Variants in SEC61A2 observed in about 807,000 individuals in gnomAD.
The protein encoded by SEC61A2 is SEC61 translocon subunit alpha 2.
SEC61A2 carries 28 observed loss-of-function variants against 59.9 expected under a neutral mutation model. That is an observed-to-expected ratio of 0.47 (90% CI 0.35 to 0.64). The LOEUF (loss-of-function observed/expected upper bound fraction) is 0.64. SEC61A2 is among the 30% of genes least tolerant of loss of function. The pLI is 0.01. For missense variants in SEC61A2, 340 were observed against 585.9 expected (o/e 0.58, Z 4.33); for synonymous variants, 202 against 214.4 (o/e 0.94, Z 0.50).
intron 1 of SEC61A2, among the ~76,000 whole-genome samples, chr10:12,132,628 A>T (rs1186332402): frequency 2.7e-5 from 4 of 149,438 alleles, no homozygotes; most frequent in Non-Finnish European, 4.5e-5. Flanking sequence ...AAAAAAAAAA[A>T]AAGTTAACTA....
rs750360331 is a variant in SEC61A2, at chr10:12,156,929, C to G, written c.639C>G (p.Val213=). 2 of 1,613,798 alleles carry G rather than the reference C, an allele frequency of 1.2e-6. No homozygotes were observed. The highest frequency in any genetic ancestry group is 2.7e-5 in the African/African-American group (2 of 74,916). ...TGRGTEFEGA[V]IALFHLLATR... ...CAGGTACTGAGTTTGAGGGTGCAGT[C>G]ATAGCTCTGTTCCATTTGTTGGCCA... The change falls in exon 8 of 12, where the codon GTC becomes GTG. Residue 213 remains valine (V), a synonymous_variant. Transcript: ENST00000298428. The surrounding 1 kb of genome is among the most constrained non-coding windows in gnomAD (Gnocchi z 5.2).
rs987515983 is a variant in SEC61A2, at chr10:12,153,774, G to C, written c.463-2004G>C. 6.2e-7 allele frequency: 1 copy of C among 1,610,744 alleles called. No individual in the cohort carries two copies. The highest frequency in any genetic ancestry group is 2.2e-5 in the East Asian group (1 of 44,772). Reference sequence around the variant, plus strand: ...ATTGAAAATATGTGGATACACTGAAGAGCTATGATTGGATCAGTGTGTTTC... The same window carrying C: ...ATTGAAAATATGTGGATACACTGAACAGCTATGATTGGATCAGTGTGTTTC... On this transcript the variant is annotated intron_variant, in intron 6 of 11. Coordinates refer to ENST00000298428, the MANE Select transcript of SEC61A2 (RefSeq NM_018144.4). This position sits in a 1 kb window ranked among gnomAD's most constrained non-coding sequence, Gnocchi z 5.2.
chr10:12,164,454 A>C lies in SEC61A2; in HGVS notation c.1431A>C (p.Ter477TyrextTer10). The change falls in exon 12 of 12, where the codon TAA (stop) becomes TAC (tyrosine). Residue 477 changes from the stop codon to tyrosine (Y), a stop_lost. Transcript: ENST00000298428. The surrounding 1 kb of genome is among the most constrained non-coding windows in gnomAD (Gnocchi z 7.3). Reference protein sequence around the residue: ...EVGGMGALFF* With the variant: ...EVGGMGALFFY ...GTGGGATGGGTGCTTTGTTTTTCTA[A>C]ATGTTCAAATATTTCATTTTGTGCG... is the stretch of plus-strand genomic sequence containing the variant. 1 of 1,608,318 alleles carries C rather than the reference A, an allele frequency of 6.2e-7. No homozygotes were observed. Among genetic ancestry groups the C allele is most frequent in the Non-Finnish European group, 8.5e-7 (1 of 1,177,378 alleles).
intron 9 of SEC61A2, among the ~76,000 whole-genome samples, chr10:12,159,354 A>G (rs1834479536): frequency 6.6e-6 from 1 of 152,082 alleles, no homozygotes; most frequent in South Asian, 2.1e-4. Context: ...TCATTGGTTT[A>G]AATTCTGTCA....
intron 2 of SEC61A2, among the ~76,000 whole-genome samples, 179 bp from the exon 3 acceptor site, chr10:12,135,925 GA>G (rs1554797107): frequency 6.6e-6 from 1 of 152,090 alleles, no homozygotes. Flanking sequence ...GTATGAGAGA[GA>G]AAAAAATGTT....
chr10:12,169,895 CA>C (rs1834814828), downstream of SEC61A2: 6 of 471,702 alleles, frequency 1.3e-5, no homozygotes, highest in Admixed American at 2.2e-4. The surrounding 1 kb of genome is among the most constrained non-coding windows in gnomAD (Gnocchi z 4.8). Context: ...CACTTAAAAA[CA>C]GTAGAAAAAT....
Position 12,149,833 on chromosome 10 carries a change from TCC to T in SEC61A2, c.353-14_353-13del, listed in dbSNP as rs925455535. ...CTTTGGTGGTAAGCGTGCTCTCCTT[TCC>T]CCCCAACTTTCATCAGTGTTTGGTA... On this transcript the variant is annotated splice_polypyrimidine_tract_variant and intron_variant, in intron 5 of 11. Coordinates refer to ENST00000298428, the MANE Select transcript of SEC61A2 (RefSeq NM_018144.4). The surrounding 1 kb of genome is among the most constrained non-coding windows in gnomAD (Gnocchi z 5.2). 45 of 1,611,396 alleles carry T rather than the reference TCC, an allele frequency of 2.8e-5. No individual in the cohort carries two copies. The highest frequency in any genetic ancestry group is 3.5e-5 in the Non-Finnish European group (41 of 1,178,032).
chr10:12,132,938 C>A (rs556923840), intron 1 of SEC61A2, among the ~76,000 whole-genome samples: 1 of 151,986 alleles, frequency 6.6e-6, no homozygotes, highest in Non-Finnish European at 1.5e-5. Flanking sequence ...TTGAACAGCC[C>A]CCTTTTTGTA....
Position 12,129,916 on chromosome 10 carries a change from G to T in SEC61A2, c.7+122G>T. The T allele has an allele frequency of 1.1e-6, 1 of 940,630 alleles. No homozygotes were observed. The highest frequency in any genetic ancestry group is 1.7e-5 in the African/African-American group (1 of 57,914). The allele number at this position is 940,630 out of a possible 1,614,324, so 58.3% of individuals were successfully genotyped here. A position where few individuals can be genotyped will look rare whatever the true frequency, so the allele number is the denominator to read the frequency against. On this transcript the variant is annotated intron_variant, in intron 1 of 11. Transcript: ENST00000298428. The surrounding 1 kb of genome is among the most constrained non-coding windows in gnomAD (Gnocchi z 5.6). ...GCCAGGGATGCGCGGGCCGCTCCGG[G>T]CCTCAGCGGAGGGCACGGGCCGGGG... is the stretch of plus-strand genomic sequence containing the variant.
In SEC61A2 at chr10:12,152,593, C is replaced by T. The variant is rs1053523674; in HGVS notation, c.462+2632C>T. On this transcript the variant is annotated intron_variant, in intron 6 of 11. Transcript: ENST00000298428. This position sits in a 1 kb window ranked among gnomAD's most constrained non-coding sequence, Gnocchi z 5.5. ...TGGGCAACATGGTGAAACCCTGTCTCTACTAAAAACACAAAAATTGGCCGG... is the reference window on the plus strand; with the variant it reads ...TGGGCAACATGGTGAAACCCTGTCTTTACTAAAAACACAAAAATTGGCCGG... Among the ~76,000 whole-genome samples the T allele has an allele frequency of 6.6e-6, 1 of 151,896 alleles. No individual in the cohort carries two copies. The highest frequency in any genetic ancestry group is 2.4e-5 in the African/African-American group (1 of 41,356).
intron 3 of SEC61A2, 124 bp downstream of exon 3, chr10:12,136,294 A>T (rs954612470): frequency 3.8e-6 from 2 of 519,822 alleles, no homozygotes; most frequent in Admixed American, 7.0e-5. Flanking sequence ...GAGCATTATT[A>T]TCCTTTTTAT....
chr10:12,158,140 T>C lies in SEC61A2; in HGVS notation c.975+35T>C. The C allele has an allele frequency of 1.3e-6, 2 of 1,486,412 alleles. No individual in the cohort carries two copies. The highest frequency in any genetic ancestry group is 1.9e-6 in the Non-Finnish European group (2 of 1,078,848). 92.1% of individuals were successfully genotyped at this position (1,486,412 alleles called of 1,614,324 possible). On this transcript the variant is annotated intron_variant, in intron 9 of 11. Transcript: ENST00000298428. This position sits in a 1 kb window ranked among gnomAD's most constrained non-coding sequence, Gnocchi z 5.7. ...ATGTTTATTTACATTATTTATAGTTTATTATAATTTGCATTTCATGGTTGT... is the reference window on the plus strand; with the variant it reads ...ATGTTTATTTACATTATTTATAGTTCATTATAATTTGCATTTCATGGTTGT...
downstream of SEC61A2, among the ~76,000 whole-genome samples, chr10:12,169,075 T>A (rs1045294678): frequency 6.6e-6 from 1 of 152,216 alleles, no homozygotes; most frequent in Non-Finnish European, 1.5e-5. This position sits in a 1 kb window ranked among gnomAD's most constrained non-coding sequence, Gnocchi z 4.8. Context: ...CAAACTGATC[T>A]TAAAATGTAA....
rs149530452 is a variant in SEC61A2 at position 12,129,823 on chromosome 10, C to G, written c.7+29C>G. 7.5e-4 allele frequency: 1,048 copies of G among 1,390,326 alleles called. 10 individuals carry two copies. In the African/African-American group the frequency reaches 0.014, roughly 19 times the overall value. The allele number at this position is 1,390,326 out of a possible 1,614,324, so 86.1% of individuals were successfully genotyped here. ...AGTAGCGGCGGCTGGAGCGGGGACT[C>G]TGGCTGGGAACGCAGGCCCCGCCTG... On this transcript the variant is annotated intron_variant, in intron 1 of 11. Coordinates refer to ENST00000298428, the MANE Select transcript of SEC61A2 (RefSeq NM_018144.4). The surrounding 1 kb of genome is among the most constrained non-coding windows in gnomAD (Gnocchi z 5.6).
intron 3 of SEC61A2, among the ~76,000 whole-genome samples, chr10:12,138,229 C>G (rs1421652552): frequency 6.6e-6 from 1 of 151,974 alleles, no homozygotes; most frequent in Non-Finnish European, 1.5e-5. Flanking sequence ...TACTACTGTA[C>G]TTGTTTTAAA....
chr10:12,156,981 C>CG lies in SEC61A2; in HGVS notation c.694dup (p.Glu232GlyfsTer33), dbSNP rs778724626. 1 of 1,613,992 alleles carries CG rather than the reference C, an allele frequency of 6.2e-7. No individual in the cohort carries two copies. The highest frequency in any genetic ancestry group is 1.7e-5 in the Admixed American group (1 of 59,998). ...CAGGACGGACAAAGTCCGAGCTTTA[C>CG]GGGAGGCTTTTTATCGGCAGAACTT... On this transcript the variant is annotated frameshift_variant, in exon 8 of 12. Coordinates refer to ENST00000298428, the MANE Select transcript of SEC61A2 (RefSeq NM_018144.4). LOFTEE classifies it high-confidence loss of function. This position sits in a 1 kb window ranked among gnomAD's most constrained non-coding sequence, Gnocchi z 5.2.
rs1834502111 is a variant in SEC61A2, at chr10:12,160,517, T to G, written c.976-413T>G. ...AGCAAGTTAAAGTCTTATGTCAGTA[T>G]TTTAGTTGATTGCATTAATATTTTC... is the stretch of plus-strand genomic sequence containing the variant. On this transcript the variant is annotated intron_variant, in intron 9 of 11. Transcript: ENST00000298428. The surrounding 1 kb of genome is among the most constrained non-coding windows in gnomAD (Gnocchi z 4.1). Among the ~76,000 whole-genome samples the G allele has an allele frequency of 6.6e-6, 1 of 152,190 alleles. No homozygotes were observed. The highest frequency in any genetic ancestry group is 2.1e-4 in the South Asian group (1 of 4,830).
rs1223845626 is a variant in SEC61A2 at position 12,149,533 on chromosome 10, C to G, written c.221-62C>G. On this transcript the variant is annotated intron_variant, in intron 4 of 11. Transcript: ENST00000298428. The surrounding 1 kb of genome is among the most constrained non-coding windows in gnomAD (Gnocchi z 5.2). ...TTGAGGTAATTAGGGAGTGCGACAC[C>G]TCTAAATCAGTTTGTATCGTGTACA... is the stretch of plus-strand genomic sequence containing the variant. 3.3e-6 allele frequency: 5 copies of G among 1,493,466 alleles called. No individual in the cohort carries two copies. The Admixed American group carries it at 1.2e-4, about 35-fold the overall frequency. The allele number at this position is 1,493,466 out of a possible 1,614,324, so 92.5% of individuals were successfully genotyped here. A position where few individuals can be genotyped will look rare whatever the true frequency, so the allele number is the denominator to read the frequency against.
Position 12,136,119 on chromosome 10 carries a change from G to A in SEC61A2, c.90G>A (p.Glu30=), listed in dbSNP as rs199974118. 2.3e-5 allele frequency: 37 copies of A among 1,606,946 alleles called. 1 individual carries two copies. The Middle Eastern group carries it at 9.9e-4, about 43-fold the overall frequency. Residue 30 remains glutamate, a synonymous_variant, in exon 3 of 12, where the codon GAG becomes GAA. Transcript: ENST00000298428. ...QKPERKIQFR[E]KVLWTAITLF... Reference sequence around the variant, plus strand: ...TTGTTGTACAGATCCAGTTTAGAGAGAAGGTTCTGTGGACTGCTATAACGC... The same window carrying A: ...TTGTTGTACAGATCCAGTTTAGAGAAAAGGTTCTGTGGACTGCTATAACGC...
Sources: gnomAD v4.1 joint callset for allele counts (sites outside exome capture counted in the v4.1 genomes callset) on GRCh38, gnomAD v4.1.1 for gene constraint, Gnocchi (gnomAD v3.1) non-coding constraint, MANE v1.5 for transcripts, NCBI Gene and HGNC (gene_info 2026-07-23, HGNC 2026-07-21) for gene names.